The following FOXJ3 variants were observed in gnomAD, a reference collection of about 807,000 sequenced individuals.
The protein encoded by FOXJ3 is forkhead box protein J3.
A neutral mutation model predicts 76.1 loss-of-function variants in FOXJ3; 22 were observed. The ratio of observed to expected loss-of-function variants is 0.29; its 90% confidence interval spans 0.21 to 0.41. FOXJ3 has a LOEUF of 0.41. Among genes scored for constraint, FOXJ3 ranks in the 10% least tolerant of loss-of-function variants. The pLI, the probability that FOXJ3 is intolerant of heterozygous loss-of-function variation, is 1.00. For missense variants in FOXJ3, 613 were observed against 762.1 expected (o/e 0.80, Z 2.30); for synonymous variants, 269 against 261.2 (o/e 1.03, Z -0.29).
At chr1:42,196,747 C>G (rs1464501051) in intron 7 of FOXJ3, among the ~76,000 whole-genome samples, 1 of 152,142 alleles carries the variant, frequency 6.6e-6, no homozygotes, top group Non-Finnish European at 1.5e-5. Context: ...GGCAGTTTAA[C>G]CCTCTTACAT....
At chr1:42,291,200 T>C (rs1485080761) in intron 2 of FOXJ3, among the ~76,000 whole-genome samples, 1 of 152,182 alleles carries the variant, frequency 6.6e-6, no homozygotes, top group Non-Finnish European at 1.5e-5. Flanking sequence ...ATTGTCTGCA[T>C]GGGAGAAAAA....
intron 7 of FOXJ3, among the ~76,000 whole-genome samples, chr1:42,198,453 G>T (rs1275681282): frequency 2.2e-4 from 33 of 152,150 alleles, no homozygotes; most frequent in Non-Finnish European, 1.5e-5. Context: ...AATTTACACT[G>T]ACAAACAATG....
At chr1:42,242,269 G>A (rs377214873) in intron 4 of FOXJ3, among the ~76,000 whole-genome samples, 19 of 150,738 alleles carry the variant, frequency 1.3e-4, no homozygotes, top group South Asian at 4.2e-4. Context: ...CAATGAAAAC[G>A]AAACTTATTA....
At chr1:42,234,976 G>C (rs532616552) in intron 4 of FOXJ3, among the ~76,000 whole-genome samples, 10 of 152,360 alleles carry the variant, frequency 6.6e-5, no homozygotes, top group African/African-American at 2.4e-4. Flanking sequence ...GCTGCCATTT[G>C]TTTGGCTATG....
chr1:42,201,384 G>A (rs1646762105), intron 6 of FOXJ3, among the ~76,000 whole-genome samples: 1 of 152,074 alleles, frequency 6.6e-6, no homozygotes, highest in Non-Finnish European at 1.5e-5. Context: ...CTTCTTTGTA[G>A]ATATTCTTTA....
chr1:42,184,326 C>T lies in FOXJ3; in HGVS notation c.1646-2302G>A, dbSNP rs1007462319. On this transcript the variant is annotated intron_variant, in intron 11 of 12. Transcript: ENST00000361346. ...TTTTACCACTTCTCTTTTATGGCTTCGTAATTCTTACCTTAAAGGCAGAGG... is the reference window on the plus strand; with the variant it reads ...TTTTACCACTTCTCTTTTATGGCTTTGTAATTCTTACCTTAAAGGCAGAGG... Among the ~76,000 whole-genome samples the T allele has an allele frequency of 6.6e-5, 10 of 152,036 alleles. No homozygotes were observed. In the East Asian group the frequency reaches 1.3e-3, roughly 20 times the overall value.
intron 4 of FOXJ3, among the ~76,000 whole-genome samples, chr1:42,245,749 C>T (rs1029882186): frequency 6.6e-6 from 1 of 152,134 alleles, no homozygotes; most frequent in Non-Finnish European, 1.5e-5. Flanking sequence ...CCTCTAAAAG[C>T]TGGTCAAGAC....
At chr1:42,228,581 A>AC (rs895076010) in intron 4 of FOXJ3, among the ~76,000 whole-genome samples, 60 of 151,896 alleles carry the variant, frequency 4.0e-4, no homozygotes, top group South Asian at 1.2e-3. Context: ...AAAAAAAAAA[A>AC]ACTTTGGAAA....
intron 4 of FOXJ3, among the ~76,000 whole-genome samples, chr1:42,232,621 C>G (rs1393324174): frequency 4.6e-5 from 7 of 151,760 alleles, no homozygotes; most frequent in Middle Eastern, 3.4e-3. Context: ...TGTTCATATC[C>G]TTCGCCCACT....
chr1:42,266,128 A>G (rs1651448976), intron 3 of FOXJ3, among the ~76,000 whole-genome samples: 1 of 152,158 alleles, frequency 6.6e-6, no homozygotes. Context: ...TTTTGACATA[A>G]TATCTGCTTT....
chr1:42,333,276 GA>G (rs1426329441), intron 1 of FOXJ3, among the ~76,000 whole-genome samples: 2 of 151,894 alleles, frequency 1.3e-5, no homozygotes, highest in African/African-American at 4.8e-5. Flanking sequence ...TATACTCAAA[GA>G]ATGTACAATG....
chr1:42,313,455 T>C (rs1654928366), intron 1 of FOXJ3, among the ~76,000 whole-genome samples: 1 of 152,190 alleles, frequency 6.6e-6, no homozygotes, highest in Non-Finnish European at 1.5e-5. Context: ...GAAATCACCT[T>C]TGACCTAAGC....
In FOXJ3 at chr1:42,310,452, T is replaced by C. The variant is rs1205755681; in HGVS notation, c.44+598A>G. Among the ~76,000 whole-genome samples, 7 of 143,728 alleles carry C rather than the reference T, an allele frequency of 4.9e-5. 1 individual carries two copies. Among genetic ancestry groups the C allele is most frequent in the South Asian group, 4.3e-4 (2 of 4,642 alleles). 94.3% of individuals were successfully genotyped at this position (143,728 alleles called of 152,430 possible). ...AGCCACCGCACCTGGGCTTTTTTCT[T>C]TTTTTTTTTTTTTAGGACAGAGTCT... is the stretch of plus-strand genomic sequence containing the variant. On this transcript the variant is annotated intron_variant, in intron 2 of 12. Transcript: ENST00000361346.
intron 4 of FOXJ3, among the ~76,000 whole-genome samples, chr1:42,236,522 C>T (rs1164376145): frequency 6.6e-6 from 1 of 151,990 alleles, no homozygotes; most frequent in African/African-American, 2.4e-5. Flanking sequence ...TCAACTTTGC[C>T]GAAGTATATT....
In FOXJ3 at chr1:42,305,031, C is replaced by G. The variant is rs57401961; in HGVS notation, c.44+6019G>C. Among the ~76,000 whole-genome samples the G allele has an allele frequency of 3.3e-3, 497 of 152,186 alleles. 4 individuals are homozygous for G. The highest frequency in any genetic ancestry group is 0.011 in the African/African-American group (471 of 41,520). On this transcript the variant is annotated intron_variant, in intron 2 of 12. Coordinates refer to ENST00000361346, the MANE Select transcript of FOXJ3 (RefSeq NM_014947.5). ...TAATAACCAGAATATATAAGGAGCT[C>G]AAATAACTGTATAGGAGAAAGTTTA...
intron 2 of FOXJ3, among the ~76,000 whole-genome samples, chr1:42,283,305 G>A (rs1027730273): frequency 6.6e-6 from 1 of 152,052 alleles, no homozygotes; most frequent in Non-Finnish European, 1.5e-5. Context: ...AAAATTAAAG[G>A]ATAAGGAGCA....
At chr1:42,301,367 T>G (rs936279778) in intron 2 of FOXJ3, among the ~76,000 whole-genome samples, 6 of 151,982 alleles carry the variant, frequency 3.9e-5, no homozygotes, top group Non-Finnish European at 7.4e-5. Context: ...TGCTAATTTT[T>G]TTTTTGTATT....
At chr1:42,326,637 T>G (rs1015347315) in intron 1 of FOXJ3, among the ~76,000 whole-genome samples, 2 of 152,182 alleles carry the variant, frequency 1.3e-5, no homozygotes, top group Non-Finnish European at 2.9e-5. Context: ...CTTTAAAGTT[T>G]CCCTTAACTC....
chr1:42,234,219 A>G (rs1648392744), intron 4 of FOXJ3, among the ~76,000 whole-genome samples: 1 of 152,142 alleles, frequency 6.6e-6, no homozygotes, highest in Admixed American at 6.5e-5. Flanking sequence ...CATTTGTCAC[A>G]TAGTTCTCAT....
Sources: gnomAD v4.1 joint callset for allele counts (sites outside exome capture counted in the v4.1 genomes callset) on GRCh38, gnomAD v4.1.1 for gene constraint, MANE v1.5 for transcripts, NCBI Gene and HGNC (gene_info 2026-07-23, HGNC 2026-07-21) for gene names.